The following SUCLG2 variants were observed in gnomAD, a reference collection of about 807,000 sequenced individuals.
SUCLG2 encodes succinate--CoA ligase [GDP-forming] subunit beta, mitochondrial.
In SUCLG2, 42 loss-of-function variants were observed where a neutral mutation model predicts 47.9. The observed-to-expected ratio is 0.88, with a 90% confidence interval of 0.69 to 1.14. The LOEUF is 1.14. Among genes scored for constraint, SUCLG2 ranks in the 50% most tolerant of loss-of-function variants. The pLI is 0.00. For missense variants in SUCLG2, 571 were observed against 525.9 expected (o/e 1.09, Z -0.84); for synonymous variants, 195 against 197.3 (o/e 0.99, Z 0.10).
At chr3:67,398,323 A>G (rs953247895) in intron 10 of SUCLG2, among the ~76,000 whole-genome samples, 1 of 151,100 alleles carries the variant, frequency 6.6e-6, no homozygotes, top group Non-Finnish European at 1.5e-5. Flanking sequence ...CAAATTTACA[A>G]GAAAAAAACA....
At chr3:67,535,539 G>C (rs1211694884) in intron 2 of SUCLG2, among the ~76,000 whole-genome samples, 2 of 152,108 alleles carry the variant, frequency 1.3e-5, no homozygotes, top group Non-Finnish European at 2.9e-5. Flanking sequence ...GGTCACGGGA[G>C]ACGATCCCTT....
chr3:67,576,648 G>T (rs1347042440), intron 2 of SUCLG2, among the ~76,000 whole-genome samples: 1 of 152,172 alleles, frequency 6.6e-6, no homozygotes, highest in Admixed American at 6.5e-5. Context: ...TCATCTTAAG[G>T]AAATAGAAAC....
chr3:67,572,374 C>T (rs905895552), intron 2 of SUCLG2, among the ~76,000 whole-genome samples: 4 of 151,984 alleles, frequency 2.6e-5, no homozygotes, highest in Non-Finnish European at 1.5e-5. Context: ...AAATACAAGA[C>T]CAAGTGGAGG....
intron 9 of SUCLG2, among the ~76,000 whole-genome samples, chr3:67,481,823 A>C (rs1470578586): frequency 6.6e-6 from 1 of 152,216 alleles, no homozygotes; most frequent in Non-Finnish European, 1.5e-5. Flanking sequence ...AATAGCATCA[A>C]ATATCGGATG....
intron 10 of SUCLG2, among the ~76,000 whole-genome samples, chr3:67,392,803 T>C (rs1702420218): frequency 6.6e-6 from 1 of 151,234 alleles, no homozygotes; most frequent in Non-Finnish European, 1.5e-5. Flanking sequence ...GGCACCATAC[T>C]GTGCTAGTAG....
intron 9 of SUCLG2, among the ~76,000 whole-genome samples, chr3:67,438,255 C>G (rs1011221733): frequency 2.0e-5 from 3 of 152,116 alleles, no homozygotes; most frequent in Admixed American, 1.3e-4. Flanking sequence ...ATTTATAGTA[C>G]TAAATGCCTA....
In SUCLG2 at chr3:67,400,801, G is replaced by A. The variant is rs778787543; in HGVS notation, c.1113C>T (p.Ile371=). 4 of 1,612,886 alleles carry A rather than the reference G, an allele frequency of 2.5e-6. No homozygotes were observed. The Admixed American group carries it at 5.0e-5, about 20-fold the overall frequency. The change falls in exon 10 of 11, where the codon ATC becomes ATT. Residue 371 remains isoleucine, a synonymous_variant. Coordinates refer to ENST00000307227, the MANE Select transcript of SUCLG2 (RefSeq NM_003848.4). ...AGGCTTTGGTGATCCCATTGGCAATGATGGCACAGTTGACGATACCACCAA... is the reference window on the plus strand; with the variant it reads ...AGGCTTTGGTGATCCCATTGGCAATAATGGCACAGTTGACGATACCACCAA... ...NIFGGIVNCA[I]IANGITKACR...
chr3:67,514,205 C>A, intron 6 of SUCLG2: 1 of 367,520 alleles, frequency 2.7e-6, no homozygotes. Context: ...CTCTTGGGAG[C>A]TTTGTGTGGA....
intron 1 of SUCLG2, among the ~76,000 whole-genome samples, chr3:67,622,949 T>C (rs150055810): frequency 6.2e-4 from 94 of 152,320 alleles, no homozygotes; most frequent in African/African-American, 2.1e-3. Context: ...GCGAGGATAT[T>C]TGTGCCAAGT....
At chr3:67,400,116 C>T (rs1702649509) in intron 10 of SUCLG2, among the ~76,000 whole-genome samples, 1 of 152,056 alleles carries the variant, frequency 6.6e-6, no homozygotes, top group African/African-American at 2.4e-5. Flanking sequence ...TCAACTAAAA[C>T]ATGTTATAAC....
chr3:67,604,040 C>T (rs189797717), intron 2 of SUCLG2, among the ~76,000 whole-genome samples: 74 of 152,266 alleles, frequency 4.9e-4, no homozygotes, highest in Middle Eastern at 3.4e-3. Context: ...TGAATATTAT[C>T]CACACATTAA....
chr3:67,376,526 A>C, intron 10 of SUCLG2: 6 of 973,388 alleles, frequency 6.2e-6, no homozygotes, highest in Non-Finnish European at 7.3e-6. Flanking sequence ...AATGTAATAG[A>C]ATTTAAGTGT....
chr3:67,612,374 A>AAAAT lies in SUCLG2; in HGVS notation c.85-2779_85-2778insATTT, dbSNP rs5849770. Among the ~76,000 whole-genome samples, 8 of 148,344 alleles carry AAAAT rather than the reference A, an allele frequency of 5.4e-5. 1 individual carries two copies. The highest frequency in any genetic ancestry group is 1.2e-4 in the Non-Finnish European group (8 of 67,256). ...ACTCAGTCTCAAAAAACAAAAAAAAATGTGATACATCTACAGAAGTATAAT... is the reference window on the plus strand; with the variant it reads ...ACTCAGTCTCAAAAAACAAAAAAAAAAAATTGTGATACATCTACAGAAGTATAAT... On this transcript the variant is annotated intron_variant, in intron 1 of 10. Transcript: ENST00000307227.
intron 9 of SUCLG2, among the ~76,000 whole-genome samples, chr3:67,494,817 C>T (rs1482068028): frequency 6.6e-6 from 1 of 152,116 alleles, no homozygotes; most frequent in African/African-American, 2.4e-5. Context: ...ACAGGTGAAA[C>T]AAAGCATACT....
chr3:67,530,973 C>T (rs1273553770), intron 2 of SUCLG2, among the ~76,000 whole-genome samples: 1 of 152,192 alleles, frequency 6.6e-6, no homozygotes. Context: ...TGGTTAAAAT[C>T]TCCAACTCTA....
intron 7 of SUCLG2, among the ~76,000 whole-genome samples, chr3:67,501,278 C>G (rs1294819576): frequency 6.6e-6 from 1 of 152,168 alleles, no homozygotes; most frequent in Non-Finnish European, 1.5e-5. Context: ...TTCAAGACCC[C>G]AGTCTTTACT....
At chr3:67,485,186 T>C (rs1434040501) in intron 9 of SUCLG2, among the ~76,000 whole-genome samples, 4 of 152,234 alleles carry the variant, frequency 2.6e-5, no homozygotes. Context: ...AATTCTGAGA[T>C]AATTAAAACT....
Position 67,375,871 on chromosome 3 carries a change from A to T in SUCLG2, c.1184-12T>A, listed in dbSNP as rs748769817. 9.3e-6 allele frequency: 15 copies of T among 1,611,102 alleles called. No individual in the cohort carries two copies. The highest frequency in any genetic ancestry group is 1.0e-5 in the Non-Finnish European group (12 of 1,178,618). On this transcript the variant is annotated splice_polypyrimidine_tract_variant and intron_variant, in intron 10 of 10. Transcript: ENST00000307227. ...TTGGACGTTGGTTCCTAGAAGGGGG[A>T]CAGGGAACAATCACTGAATGAAACT... is the stretch of plus-strand genomic sequence containing the variant.
chr3:67,400,898 C>A (rs1485897170), intron 9 of SUCLG2, 47 bp from the exon 10 acceptor site: 1 of 1,608,180 alleles, frequency 6.2e-7, no homozygotes, highest in Non-Finnish European at 8.5e-7. Context: ...TGATCGCCAA[C>A]AGTCTCAAAA....
Sources: gnomAD v4.1 joint callset for allele counts (sites outside exome capture counted in the v4.1 genomes callset) on GRCh38, gnomAD v4.1.1 for gene constraint, MANE v1.5 for transcripts, NCBI Gene and HGNC (gene_info 2026-07-23, HGNC 2026-07-21) for gene names.